Variants in TCOF1 observed in about 807,000 individuals in gnomAD.
TCOF1 encodes treacle protein.
A neutral mutation model predicts 149.0 loss-of-function variants in TCOF1; 33 were observed. The ratio of observed to expected loss-of-function variants is 0.22; its 90% confidence interval spans 0.17 to 0.30. TCOF1 has a LOEUF of 0.30. Ranked by LOEUF, TCOF1 falls within the 10% of genes least tolerant of loss-of-function variation. The pLI is 1.00. For missense variants in TCOF1, 1,728 were observed against 1,840.7 expected, an observed-to-expected ratio of 0.94 and a Z score of 1.12; for synonymous variants, 789 against 738.8, an observed-to-expected ratio of 1.07 and a Z score of -1.10.
chr5:150,396,976 G>A (rs1768678513), intron 24 of TCOF1, 134 bp downstream of exon 24: 6 of 1,073,932 alleles, frequency 5.6e-6, no homozygotes, highest in Middle Eastern at 3.0e-4. Context: ...TGGCCAACAT[G>A]GCAAAACCCC....
At chr5:150,358,651 A>T (rs1562265293) in intron 1 of TCOF1, among the ~76,000 whole-genome samples, 1 of 152,102 alleles carries the variant, frequency 6.6e-6, no homozygotes, top group Non-Finnish European at 1.5e-5. Flanking sequence ...AGCCTGGCCA[A>T]CATGGTGAAA....
chr5:150,370,703 G>C (rs1013486115), intron 6 of TCOF1, among the ~76,000 whole-genome samples: 1 of 152,154 alleles, frequency 6.6e-6, no homozygotes, highest in African/African-American at 2.4e-5. Context: ...ACGGTGGCTC[G>C]CACCTGTAAG....
intron 6 of TCOF1, among the ~76,000 whole-genome samples, chr5:150,371,328 T>G (rs962868865): frequency 6.6e-6 from 1 of 152,106 alleles, no homozygotes; most frequent in Non-Finnish European, 1.5e-5. Context: ...AGGACATCCC[T>G]GGCTTCTGTC....
At chr5:150,363,402 A>C (rs574819987) in intron 2 of TCOF1, among the ~76,000 whole-genome samples, 1 of 152,298 alleles carries the variant, frequency 6.6e-6, no homozygotes, top group South Asian at 2.1e-4. Flanking sequence ...GATGGGGGTC[A>C]ATGGGCGTGA....
rs1768620993 is a variant in TCOF1, at chr5:150,396,790, T to C, written c.4293T>C (p.Gly1431=). 5.0e-6 allele frequency: 8 copies of C among 1,610,516 alleles called. No homozygotes were observed. Among genetic ancestry groups the C allele is most frequent in the Non-Finnish European group, 6.8e-6 (8 of 1,178,966 alleles). ...AGAAGGGGATGGGGACGGTTGAAGGTGGAGATCAAAGCAACCCAAAGAGCA... is the reference window on the plus strand; with the variant it reads ...AGAAGGGGATGGGGACGGTTGAAGGCGGAGATCAAAGCAACCCAAAGAGCA... ...ELQKGMGTVE[G]GDQSNPKSKK... is the part of the protein sequence containing the mutation. Residue 1431 remains glycine, a synonymous_variant, in exon 24 of 27, where the codon GGT becomes GGC. Transcript: ENST00000643257.
chr5:150,379,783 G>A (rs1362007276), intron 17 of TCOF1, 51 bp downstream of exon 17: 2 of 1,595,212 alleles, frequency 1.3e-6, no homozygotes, highest in Non-Finnish European at 1.7e-6. Context: ...TCAGAACGGG[G>A]GTATAGGGCT....
At chr5:150,358,901 G>T (rs1759326384) in intron 1 of TCOF1, among the ~76,000 whole-genome samples, 1 of 151,784 alleles carries the variant, frequency 6.6e-6, no homozygotes, top group South Asian at 2.1e-4. Flanking sequence ...TAAATGCCTT[G>T]TGGTGGGAGG....
intron 12 of TCOF1, 56 bp from the exon 13 acceptor site, chr5:150,376,026 G>C: frequency 6.2e-7 from 1 of 1,613,238 alleles, no homozygotes. Context: ...GGGCAGAACA[G>C]ATGGGGGACT....
Position 150,388,033 on chromosome 5 carries a change from C to T in TCOF1, c.2991C>T (p.Ser997=). ...CCTCGGAGAGCACAGCCAGGAGCTC[C>T]TCCTCCGAGAGCGAGGATGAGGACG... ...ARASESTARS[S]SSESEDEDVI... is the part of the protein sequence containing the mutation. The change falls in exon 18 of 27, where the codon TCC becomes TCT. Residue 997 remains serine, a synonymous_variant. Coordinates refer to ENST00000643257, the MANE Select transcript of TCOF1 (RefSeq NM_001371623.1). 6.2e-7 allele frequency: 1 copy of T among 1,613,828 alleles called. No homozygotes were observed. The highest frequency in any genetic ancestry group is 1.3e-5 in the African/African-American group (1 of 75,034).
At chr5:150,364,298 T>G in intron 3 of TCOF1, 46 bp downstream of exon 3, 1 of 1,613,048 alleles carries the variant, frequency 6.2e-7, no homozygotes, top group Non-Finnish European at 8.5e-7. Context: ...ATATTGATTG[T>G]TCTAGGGTAG....
chr5:150,359,542 G>A (rs914827498), intron 1 of TCOF1, among the ~76,000 whole-genome samples: 2 of 152,288 alleles, frequency 1.3e-5, no homozygotes, highest in Admixed American at 6.5e-5. Flanking sequence ...TTGCCCTGTG[G>A]TGTAGGCTCT....
intron 2 of TCOF1, among the ~76,000 whole-genome samples, chr5:150,361,467 C>T (rs1028842038): frequency 1.3e-5 from 2 of 152,144 alleles, no homozygotes; most frequent in East Asian, 1.9e-4. Flanking sequence ...GCTCAGCAAA[C>T]GTATATTGAG....
Position 150,368,856 on chromosome 5 carries a change from T to C in TCOF1, c.519T>C (p.Thr173=). 6.2e-7 allele frequency: 1 copy of C among 1,613,926 alleles called. No homozygotes were observed. Among genetic ancestry groups the C allele is most frequent in the South Asian group, 1.1e-5 (1 of 91,076 alleles). Residue 173 remains threonine, a synonymous_variant, in exon 5 of 27, where the codon ACT becomes ACC. Coordinates refer to ENST00000643257, the MANE Select transcript of TCOF1 (RefSeq NM_001371623.1). ...PSANTTLVSE[T]EEEGSVPAFG... ...CAAATACTACGTTGGTCTCAGAAAC[T>C]GAGGAGGAGGGCAGCGTCCCGGCCT...
chr5:150,362,722 G>T (rs1760421044), intron 2 of TCOF1, among the ~76,000 whole-genome samples: 1 of 152,210 alleles, frequency 6.6e-6, no homozygotes, highest in Non-Finnish European at 1.5e-5. Context: ...GTCCTCTGCT[G>T]CTAAGGAGAG....
At chr5:150,366,931 G>A (rs1448712762) in intron 3 of TCOF1, among the ~76,000 whole-genome samples, 6 of 14 alleles carry the variant, frequency 0.43, 2 homozygotes, top group Non-Finnish European at 0.43. Flanking sequence ...TGGGATTACA[G>A]GCGTGAGGCC....
At chr5:150,386,588 C>A (rs60307728) in intron 17 of TCOF1, among the ~76,000 whole-genome samples, 3 of 151,648 alleles carry the variant, frequency 2.0e-5, no homozygotes, top group Non-Finnish European at 2.9e-5. Flanking sequence ...AAGTCAGGCT[C>A]AGGGGGTAAA....
Position 150,379,399 on chromosome 5 carries a change from G to A in TCOF1, c.2649G>A (p.Thr883=), listed in dbSNP as rs766638083. Residue 883 remains threonine, a synonymous_variant, in exon 16 of 27, where the codon ACG becomes ACA. Transcript: ENST00000643257. ...EESDSEEEAE[T]LAQVKPSGKT... ...CAGACAGTGAGGAGGAGGCGGAGACGCTGGCTCAGGTGAGGGGGAGGGAAT... is the reference window on the plus strand; with the variant it reads ...CAGACAGTGAGGAGGAGGCGGAGACACTGGCTCAGGTGAGGGGGAGGGAAT... 27 of 1,613,524 alleles carry A rather than the reference G, an allele frequency of 1.7e-5. No individual in the cohort carries two copies. Among genetic ancestry groups the A allele is most frequent in the East Asian group, 4.5e-5 (2 of 44,838 alleles).
At position 150,362,476 on chromosome 5, in the gene TCOF1, T is replaced by C. The variant is rs145557625; in HGVS notation, c.164+1265T>C. On this transcript the variant is annotated intron_variant, in intron 2 of 26. Transcript: ENST00000643257. Reference sequence around the variant, plus strand: ...ACTGCACATCTTTGAGGACCAAGAATAGTGCGTTCTCTGAGGCCCCGGAGA... The same window carrying C: ...ACTGCACATCTTTGAGGACCAAGAACAGTGCGTTCTCTGAGGCCCCGGAGA... Among the ~76,000 whole-genome samples, 51 of 152,176 alleles carry C rather than the reference T, an allele frequency of 3.4e-4. 1 individual carries two copies. In the East Asian group the frequency reaches 9.7e-3, roughly 29 times the overall value.
At chr5:150,397,841 A>G (rs1768893596) in intron 24 of TCOF1, among the ~76,000 whole-genome samples, 1 of 152,220 alleles carries the variant, frequency 6.6e-6, no homozygotes, top group Non-Finnish European at 1.5e-5. Flanking sequence ...CAGGTGGTCC[A>G]TGGATGGGAC....
Sources: allele counts gnomAD v4.1 joint callset (sites outside exome capture counted in the v4.1 genomes callset), GRCh38; gene constraint gnomAD v4.1.1; transcripts MANE v1.5; gene names NCBI Gene and HGNC (gene_info 2026-07-23, HGNC 2026-07-21).